Variants in ME3 observed in about 807,000 individuals in gnomAD.
The protein encoded by ME3 is malic enzyme 3.
A neutral mutation model predicts 68.9 loss-of-function variants in ME3; 48 were observed. The observed-to-expected ratio is 0.70, with a 90% confidence interval of 0.55 to 0.89. ME3 has a LOEUF of 0.89. Ranked by LOEUF, ME3 falls within the 40% of genes least tolerant of loss-of-function variation. The pLI is 0.00. For synonymous variants in ME3, 320 were observed against 318.8 expected, an observed-to-expected ratio of 1.00 and a Z score of -0.04; for missense variants, 675 against 797.4, an observed-to-expected ratio of 0.85 and a Z score of 1.85.
intron 2 of ME3, among the ~76,000 whole-genome samples, chr11:86,607,515 C>G (rs1370429506): frequency 1.4e-5 from 2 of 140,788 alleles, no homozygotes; most frequent in African/African-American, 5.2e-5. Flanking sequence ...TGGTGAATAT[C>G]ATCAGAAAAA....
chr11:86,653,425 C>T (rs1048379020), intron 2 of ME3, among the ~76,000 whole-genome samples: 4 of 152,186 alleles, frequency 2.6e-5, no homozygotes, highest in Non-Finnish European at 4.4e-5. Context: ...CAAACTAGAA[C>T]TCAGGATTAA....
rs61339819 is a variant in ME3, at chr11:86,614,659, C to G, written c.184-54836G>C. On this transcript the variant is annotated intron_variant, in intron 2 of 14. Transcript: ENST00000543262. The stretch of plus-strand genomic sequence containing the variant: ...CAGCTTTTTAGCAACAGGCACCAAC[C>G]AGGTGCCTATGGATTTTTTTTCATA... 3.6e-3 allele frequency among the ~76,000 whole-genome samples: 543 copies of G among 152,288 alleles called. 4 individuals are homozygous for G. The highest frequency in any genetic ancestry group is 0.012 in the African/African-American group (516 of 41,570).
chr11:86,601,546 C>A (rs2135120193), intron 2 of ME3, among the ~76,000 whole-genome samples: 1 of 152,200 alleles, frequency 6.6e-6, no homozygotes, highest in South Asian at 2.1e-4. Flanking sequence ...TGGTACCATT[C>A]CTTCTGAAAC....
At chr11:86,489,691 G>C (rs533566634) in intron 6 of ME3, among the ~76,000 whole-genome samples, 1 of 152,188 alleles carries the variant, frequency 6.6e-6, no homozygotes, top group African/African-American at 2.4e-5. Flanking sequence ...TGGCCTGACT[G>C]AGCTGGGGAG....
chr11:86,436,116 A>T (rs74823018), downstream of ME3: 6 of 152,278 alleles, frequency 3.9e-5, no homozygotes, highest in East Asian at 1.2e-3. Flanking sequence ...TAGAGTGAAG[A>T]CTTACAAGGC....
intron 2 of ME3, among the ~76,000 whole-genome samples, chr11:86,631,580 C>T (rs921205942): frequency 3.9e-5 from 6 of 152,150 alleles, no homozygotes; most frequent in Admixed American, 2.0e-4. Flanking sequence ...ATAGATCAGA[C>T]TGTCTTGTTT....
chr11:86,591,466 CACAG>C (rs1321529447), intron 2 of ME3, among the ~76,000 whole-genome samples: 1 of 152,176 alleles, frequency 6.6e-6, no homozygotes, highest in Non-Finnish European at 1.5e-5. Context: ...ACACAGACAA[CACAG>C]ACAGAGGGAC....
exon 4 of ME3, chr11:86,556,558 C>T (rs1355966832): frequency 1.2e-6 from 2 of 1,613,640 alleles, no homozygotes; most frequent in Non-Finnish European, 8.5e-7. Flanking sequence ...CTCACCGGGG[C>T]CTGCGGAAAG....
intron 2 of ME3, among the ~76,000 whole-genome samples, chr11:86,650,684 T>C (rs1004916210): frequency 6.6e-6 from 1 of 152,162 alleles, no homozygotes; most frequent in African/African-American, 2.4e-5. Flanking sequence ...AGAAGATGAA[T>C]GATTTATGCA....
chr11:86,578,707 A>C (rs1202955379), intron 2 of ME3, among the ~76,000 whole-genome samples: 4 of 152,182 alleles, frequency 2.6e-5, no homozygotes, highest in African/African-American at 7.2e-5. Flanking sequence ...GATCACAGCG[A>C]TCAGTCACCC....
chr11:86,558,980 G>A (rs1014152081), intron 3 of ME3, among the ~76,000 whole-genome samples: 1 of 152,136 alleles, frequency 6.6e-6, no homozygotes, highest in Non-Finnish European at 1.5e-5. Context: ...TCTTAGCTGT[G>A]GCATAGCAGA....
At position 86,615,181 on chromosome 11, in the gene ME3, G is replaced by A. The variant is rs537898017; in HGVS notation, c.184-55358C>T. On this transcript the variant is annotated intron_variant, in intron 2 of 14. Coordinates refer to ENST00000543262, the Ensembl canonical transcript of ME3. ...TCTTAGTGAGCTTCTAGCCACATCC[G>A]GACCCTACACATATTTTTTCAAGGC... Among the ~76,000 whole-genome samples the A allele has an allele frequency of 3.9e-5, 6 of 152,070 alleles. No individual in the cohort carries two copies. The South Asian group carries it at 6.2e-4, about 16-fold the overall frequency.
rs747104407 is a variant in ME3, at chr11:86,498,135, G to T, written c.544-11C>A. The stretch of plus-strand genomic sequence containing the variant: ...AGTCACCACCACGGCCTGAAAAACA[G>T]CAGGGCACCATCAATCAGGGACAGC... On this transcript the variant is annotated splice_polypyrimidine_tract_variant and intron_variant, in intron 5 of 14. Coordinates refer to ENST00000543262, the Ensembl canonical transcript of ME3. The T allele has an allele frequency of 6.2e-7, 1 of 1,605,500 alleles. No individual in the cohort carries two copies. Among genetic ancestry groups the T allele is most frequent in the Admixed American group, 1.7e-5 (1 of 59,396 alleles).
At chr11:86,449,893 A>G in exon 10 of ME3, 1 of 1,612,094 alleles carries the variant, frequency 6.2e-7, no homozygotes, top group Non-Finnish European at 8.5e-7. Context: ...CAGTACCTTG[A>G]CAATGAGCCC....
intron 2 of ME3, among the ~76,000 whole-genome samples, chr11:86,607,094 C>T (rs1961775307): frequency 2.6e-5 from 4 of 152,142 alleles, no homozygotes; most frequent in Admixed American, 2.6e-4. Flanking sequence ...GAGGTACAGG[C>T]TTATTTTCAT....
At chr11:86,530,618 C>A (rs1955139110) in intron 4 of ME3, among the ~76,000 whole-genome samples, 1 of 152,150 alleles carries the variant, frequency 6.6e-6, no homozygotes, top group Non-Finnish European at 1.5e-5. Context: ...GCTACAGTAA[C>A]CAAAACAGCA....
At chr11:86,653,832 A>C (rs1945653584) in intron 2 of ME3, among the ~76,000 whole-genome samples, 1 of 152,192 alleles carries the variant, frequency 6.6e-6, no homozygotes, top group Admixed American at 6.5e-5. Context: ...AGATCAACAA[A>C]ATTGATAGAC....
At chr11:86,532,601 A>G (rs925987111) in intron 4 of ME3, among the ~76,000 whole-genome samples, 1 of 152,252 alleles carries the variant, frequency 6.6e-6, no homozygotes, top group Non-Finnish European at 1.5e-5. Context: ...TGGAAATTAA[A>G]CAACATTCTC....
intron 7 of ME3, among the ~76,000 whole-genome samples, chr11:86,487,028 A>C (rs1313738083): frequency 6.6e-6 from 1 of 152,160 alleles, no homozygotes; most frequent in Non-Finnish European, 1.5e-5. Context: ...TTGTGCTGAG[A>C]ACCCTAAACA....
Sources: allele counts gnomAD v4.1 joint callset (sites outside exome capture counted in the v4.1 genomes callset), GRCh38; gene constraint gnomAD v4.1.1; transcripts MANE v1.5; gene names NCBI Gene and HGNC (gene_info 2026-07-23, HGNC 2026-07-21).